LIMCH1: variants seen among roughly 807,000 people sequenced by gnomAD.
The protein encoded by LIMCH1 is LIM and calponin homology domains 1.
LIMCH1 carries 113 observed loss-of-function variants against 176.5 expected under a neutral mutation model. That is an observed-to-expected ratio of 0.64 (90% CI 0.55 to 0.75). The LOEUF (loss-of-function observed/expected upper bound fraction) is 0.75, where lower values mean the gene tolerates loss of function less well. LIMCH1 is among the 30% of genes least tolerant of loss of function. The probability of loss-of-function intolerance (pLI) is 0.00; values close to 1 mark genes in which losing one functional copy is unlikely to be tolerated. For missense variants in LIMCH1, 1,674 were observed against 1,814.9 expected, an observed-to-expected ratio of 0.92 and a Z score of 1.41; for synonymous variants, 619 against 645.9, an observed-to-expected ratio of 0.96 and a Z score of 0.63.
intron 18 of LIMCH1, among the ~76,000 whole-genome samples, chr4:41,658,900 T>C (rs1483190787): frequency 6.6e-6 from 1 of 152,200 alleles, no homozygotes; most frequent in African/African-American, 2.4e-5. Flanking sequence ...TGTTTCCCAG[T>C]CTCAGTTTTC....
intron 1 of LIMCH1, among the ~76,000 whole-genome samples, chr4:41,373,491 A>C (rs1000285490): frequency 1.3e-5 from 2 of 152,196 alleles, no homozygotes; most frequent in South Asian, 2.1e-4. Context: ...TTTTCTCCAA[A>C]CTCTCTCAAA....
chr4:41,677,245 C>G (rs368427220), intron 23 of LIMCH1, among the ~76,000 whole-genome samples: 11 of 151,800 alleles, frequency 7.2e-5, no homozygotes, highest in African/African-American at 1.9e-4. Flanking sequence ...AACCCCATCT[C>G]TACTAAAAAT....
In LIMCH1 at chr4:41,616,304, G is replaced by A. The variant is rs2092065207; in HGVS notation, c.205+2643G>A. Among the ~76,000 whole-genome samples the A allele has an allele frequency of 2.0e-5, 3 of 151,902 alleles. No homozygotes were observed. The South Asian group carries it at 6.3e-4, about 32-fold the overall frequency. On this transcript the variant is annotated intron_variant, in intron 5 of 31. Transcript: ENST00000503057. ...GCACTTCAGGAGGCCAAGGTGAGTAGATCACCTGAGGTCAGGAGTTCAAGA... is the reference window on the plus strand; with the variant it reads ...GCACTTCAGGAGGCCAAGGTGAGTAAATCACCTGAGGTCAGGAGTTCAAGA...
chr4:41,459,574 T>C (rs1170039685), intron 1 of LIMCH1, among the ~76,000 whole-genome samples: 1 of 152,122 alleles, frequency 6.6e-6, no homozygotes, highest in Admixed American at 6.5e-5. Flanking sequence ...AGGGTTGGGA[T>C]TATAGGTGTG....
intron 1 of LIMCH1, among the ~76,000 whole-genome samples, chr4:41,378,959 G>A (rs566247897): frequency 6.6e-6 from 1 of 152,260 alleles, no homozygotes; most frequent in South Asian, 2.1e-4. Flanking sequence ...AGAGGGAGTT[G>A]AGAGTAGGTG....
Position 41,680,977 on chromosome 4 carries a change from C to T in LIMCH1, c.3635C>T (p.Thr1212Ile), listed in dbSNP as rs1293432232. The change falls in exon 25 of 32, where the codon ACT (threonine) becomes ATT (isoleucine). Residue 1212 changes from threonine (T) to isoleucine (I), a missense_variant. Thr to Ile is a moderately conservative substitution (Grantham distance 89, BLOSUM62 -1). Around this residue, in one of 3 missense-constraint regions of LIMCH1, gnomAD observed 1,015 missense variants for 1,102.5 expected, o/e 0.92. Transcript: ENST00000503057. ...TAGGAGCGTAAGATAATTGAAGACA[C>T]TGTGGTTCCATTTACTGTTTCTTCA... ...YEEERKIIED[T>I]VVPFTVSSSS... 5 of 1,607,448 alleles carry T rather than the reference C, an allele frequency of 3.1e-6. No homozygotes were observed.
chr4:41,424,811 T>C (rs1486556553), intron 1 of LIMCH1, among the ~76,000 whole-genome samples: 6 of 152,224 alleles, frequency 3.9e-5, no homozygotes, highest in Admixed American at 1.3e-4. Flanking sequence ...CTTAAAAATA[T>C]TGGATTCCCC....
chr4:41,500,444 A>G (rs2073067444), intron 2 of LIMCH1, among the ~76,000 whole-genome samples: 1 of 152,216 alleles, frequency 6.6e-6, no homozygotes, highest in African/African-American at 2.4e-5. Flanking sequence ...TCGCTAAAAA[A>G]TTCTCTATAG....
chr4:41,391,960 C>G (rs2057296031), intron 1 of LIMCH1, among the ~76,000 whole-genome samples: 2 of 151,860 alleles, frequency 1.3e-5, no homozygotes, highest in South Asian at 4.2e-4. Context: ...TGAGAACTCT[C>G]TTTGCAACTT....
intron 1 of LIMCH1, among the ~76,000 whole-genome samples, chr4:41,470,435 A>G (rs1220840671): frequency 6.6e-6 from 1 of 151,958 alleles, no homozygotes; most frequent in Non-Finnish European, 1.5e-5. Flanking sequence ...TCTCTTTCCT[A>G]TGTGAGGGAC....
chr4:41,384,514 G>A (rs558600482), intron 1 of LIMCH1, among the ~76,000 whole-genome samples: 5 of 152,018 alleles, frequency 3.3e-5, no homozygotes, highest in African/African-American at 9.7e-5. Flanking sequence ...GGCCTACATC[G>A]TGCTTTCTTG....
intron 2 of LIMCH1, among the ~76,000 whole-genome samples, chr4:41,517,745 T>A (rs1485860589): frequency 6.6e-6 from 1 of 152,088 alleles, no homozygotes; most frequent in Admixed American, 6.6e-5. Context: ...TAAAATGACA[T>A]CTGTAACAGA....
chr4:41,588,857 T>C (rs1484664806), intron 1 of LIMCH1, among the ~76,000 whole-genome samples: 1 of 152,096 alleles, frequency 6.6e-6, no homozygotes, highest in Non-Finnish European at 1.5e-5. Flanking sequence ...CAAACCAACT[T>C]AGCAAAGAAG....
intron 1 of LIMCH1, among the ~76,000 whole-genome samples, chr4:41,384,344 A>G (rs1017007652): frequency 2.1e-4 from 31 of 150,960 alleles, no homozygotes; most frequent in African/African-American, 7.6e-4. Flanking sequence ...AACTGGGACT[A>G]CAGGTGCCTG....
intron 1 of LIMCH1, among the ~76,000 whole-genome samples, chr4:41,363,367 A>AG (rs1032852893): frequency 9.9e-5 from 15 of 152,188 alleles, no homozygotes; most frequent in African/African-American, 3.4e-4. Flanking sequence ...CCTCATTGGT[A>AG]GGGCTTTGTT....
At chr4:41,437,813 G>GT (rs1403601702) in intron 1 of LIMCH1, among the ~76,000 whole-genome samples, 1 of 151,948 alleles carries the variant, frequency 6.6e-6, no homozygotes, top group Non-Finnish European at 1.5e-5. Flanking sequence ...GTTTATGACT[G>GT]TAAGTCATTA....
At chr4:41,385,183 C>T (rs532742712) in intron 1 of LIMCH1, among the ~76,000 whole-genome samples, 42 of 152,306 alleles carry the variant, frequency 2.8e-4, no homozygotes, top group African/African-American at 1.0e-3. Flanking sequence ...AATGCACTTC[C>T]TTCATCTGTT....
At chr4:41,577,424 G>GATTT (rs2084674991) in intron 1 of LIMCH1, among the ~76,000 whole-genome samples, 1 of 152,028 alleles carries the variant, frequency 6.6e-6, no homozygotes. Context: ...AGTTGCAAGT[G>GATTT]ATTTATTTAT....
At chr4:41,529,012 C>G (rs1006802537) in intron 3 of LIMCH1, among the ~76,000 whole-genome samples, 2 of 152,192 alleles carry the variant, frequency 1.3e-5, no homozygotes, top group Non-Finnish European at 2.9e-5. Flanking sequence ...CGTGTGGTGA[C>G]TGCCTGCAGA....
Sources: gnomAD v4.1 joint callset for allele counts (sites outside exome capture counted in the v4.1 genomes callset) on GRCh38, gnomAD v4.1.1 for gene constraint, gnomAD v4.1.1 regional missense constraint, MANE v1.5 for transcripts, NCBI Gene and HGNC (gene_info 2026-07-23, HGNC 2026-07-21) for gene names.